CACNB4: variants seen among roughly 807,000 people sequenced by gnomAD.
CACNB4 encodes calcium voltage-gated channel auxiliary subunit beta 4.
CACNB4 carries 32 observed loss-of-function variants against 71.2 expected under a neutral mutation model. The ratio of observed to expected loss-of-function variants is 0.45; its 90% CI spans 0.34 to 0.60. The LOEUF is 0.60. Among genes scored for constraint, CACNB4 ranks in the 20% least tolerant of loss-of-function variants. The pLI is 0.01. For missense variants in CACNB4, 464 were observed against 647.9 expected (o/e 0.72, Z 3.08); for synonymous variants, 231 against 236.9 (o/e 0.97, Z 0.23).
intron 2 of CACNB4, chr2:151,962,884 T>C (rs1031031992): frequency 6.6e-6 from 1 of 152,224 alleles, no homozygotes; most frequent in African/African-American, 2.4e-5. Flanking sequence ...GTTTTGGAGA[T>C]TCTCCCAACT....
chr2:151,875,092 T>A, intron 5 of CACNB4: 1 of 369,780 alleles, frequency 2.7e-6, no homozygotes, highest in Non-Finnish European at 4.8e-6. Flanking sequence ...AGGACAATAG[T>A]GGAGGGAAGG....
intron 2 of CACNB4, among the ~76,000 whole-genome samples, chr2:152,023,817 T>C (rs1429475647): frequency 3.9e-5 from 6 of 152,204 alleles, no homozygotes; most frequent in African/African-American, 1.2e-4. Context: ...AACAACAACT[T>C]AGGCGTACAA....
At chr2:152,041,141 A>T (rs1684851387) in intron 2 of CACNB4, among the ~76,000 whole-genome samples, 1 of 152,136 alleles carries the variant, frequency 6.6e-6, no homozygotes, top group African/African-American at 2.4e-5. Flanking sequence ...TCTCCCCACA[A>T]ACTTTTGGCA....
chr2:151,857,653 T>A (rs2099840634), intron 10 of CACNB4: 3 of 152,202 alleles, frequency 2.0e-5, no homozygotes, highest in Admixed American at 2.0e-4. Context: ...CAGGACTACA[T>A]GTGAGCAAGC....
intron 2 of CACNB4, among the ~76,000 whole-genome samples, chr2:152,081,213 G>A (rs1248642907): frequency 1.4e-4 from 21 of 152,152 alleles, no homozygotes; most frequent in Non-Finnish European, 2.9e-5. Flanking sequence ...CTGACTAGAA[G>A]GATGAGAAGG....
At chr2:151,888,155 C>T (rs1275240277) in intron 2 of CACNB4, among the ~76,000 whole-genome samples, 2 of 152,184 alleles carry the variant, frequency 1.3e-5, no homozygotes, top group African/African-American at 4.8e-5. Flanking sequence ...TACTTACTTA[C>T]CTTGTCCTTT....
In CACNB4 at chr2:152,098,482, C is replaced by G. The variant is rs749656794; in HGVS notation, c.64-69G>C. On this transcript the variant is annotated intron_variant, in intron 1 of 13. Transcript: ENST00000539935. This position sits in a 1 kb window ranked among gnomAD's most constrained non-coding sequence, Gnocchi z 5.3. ...GCAGCGCAGAGCGGGGCGACCACCC[C>G]CGGCTGGAGTCCGCCTCCGGACCCG... The G allele has an allele frequency of 6.8e-7, 1 of 1,460,210 alleles. No homozygotes were observed. Among genetic ancestry groups the G allele is most frequent in the Non-Finnish European group, 9.6e-7 (1 of 1,041,572 alleles). 90.5% of individuals were successfully genotyped at this position (1,460,210 alleles called of 1,614,324 possible). A position where few individuals can be genotyped will look rare whatever the true frequency, so the allele number is the denominator to read the frequency against.
At chr2:152,072,850 C>A (rs988053050) in intron 2 of CACNB4, among the ~76,000 whole-genome samples, 18 of 151,422 alleles carry the variant, frequency 1.2e-4, no homozygotes, top group African/African-American at 4.1e-4. Flanking sequence ...GGGGTTTCAC[C>A]GTGTTAGCCA....
At chr2:152,036,784 C>T (rs1282553372) in intron 2 of CACNB4, among the ~76,000 whole-genome samples, 8 of 152,122 alleles carry the variant, frequency 5.3e-5, no homozygotes, top group African/African-American at 1.9e-4. Context: ...TTATTTTGGA[C>T]ACAACGGCCT....
chr2:151,944,149 C>T (rs111277968), intron 2 of CACNB4, among the ~76,000 whole-genome samples: 2,763 of 151,348 alleles, frequency 0.018, 99 homozygotes, highest in African/African-American at 0.062. Context: ...CTGCCTCAGT[C>T]TCCTAAGTAG....
chr2:152,091,365 A>G (rs1687963146), intron 2 of CACNB4, among the ~76,000 whole-genome samples: 1 of 152,182 alleles, frequency 6.6e-6, no homozygotes, highest in South Asian at 2.1e-4. Flanking sequence ...GCAAGTAAAA[A>G]CTTCCAACTT....
chr2:151,949,292 C>T (rs1578931238), intron 2 of CACNB4, among the ~76,000 whole-genome samples: 1 of 152,024 alleles, frequency 6.6e-6, no homozygotes, highest in East Asian at 1.9e-4. Context: ...AGCAAGGCTG[C>T]AGGTATTTCA....
chr2:151,870,090 C>T (rs2099844211), intron 8 of CACNB4: 2 of 599,264 alleles, frequency 3.3e-6, no homozygotes, highest in Admixed American at 3.0e-5. Flanking sequence ...GATTTGGTGG[C>T]ATATGCCATC....
chr2:152,044,618 T>C (rs1266645499), intron 2 of CACNB4, among the ~76,000 whole-genome samples: 1 of 152,218 alleles, frequency 6.6e-6, no homozygotes, highest in Non-Finnish European at 1.5e-5. Context: ...AAGCACATCC[T>C]AATAATTAAA....
chr2:151,874,841 T>C (rs1230777467), intron 5 of CACNB4: 1 of 396,780 alleles, frequency 2.5e-6, no homozygotes, highest in Non-Finnish European at 4.4e-6. Context: ...CAAGCTGTGC[T>C]TGTGTTCCTG....
chr2:151,957,356 T>C (rs1337809891), intron 2 of CACNB4, among the ~76,000 whole-genome samples: 1 of 151,286 alleles, frequency 6.6e-6, no homozygotes, highest in Non-Finnish European at 1.5e-5. Flanking sequence ...GACCATTCCC[T>C]AGATTCCTCT....
At chr2:152,080,670 T>C (rs1299688880) in intron 2 of CACNB4, among the ~76,000 whole-genome samples, 1 of 152,180 alleles carries the variant, frequency 6.6e-6, no homozygotes. Context: ...CATCAGTTCA[T>C]TGTATTCACC....
chr2:151,965,468 A>C (rs1014739288), intron 2 of CACNB4, among the ~76,000 whole-genome samples: 7 of 152,222 alleles, frequency 4.6e-5, no homozygotes, highest in Non-Finnish European at 1.0e-4. Flanking sequence ...CAACTGATGA[A>C]TTATTGGTTT....
chr2:151,940,646 C>G (rs182006261), intron 2 of CACNB4, among the ~76,000 whole-genome samples: 5 of 152,226 alleles, frequency 3.3e-5, no homozygotes, highest in Admixed American at 3.3e-4. Flanking sequence ...TCAATTTCTT[C>G]ATGTATAAAA....
Sources: allele counts gnomAD v4.1 joint callset (sites outside exome capture counted in the v4.1 genomes callset), GRCh38; gene constraint gnomAD v4.1.1; non-coding constraint Gnocchi (gnomAD v3.1); transcripts MANE v1.5; gene names NCBI Gene and HGNC (gene_info 2026-07-23, HGNC 2026-07-21).